PODNL1: variants seen among roughly 807,000 people sequenced by gnomAD.
PODNL1 encodes the protein podocan like 1.
A neutral mutation model predicts 45.1 loss-of-function variants in PODNL1; 50 were observed. That is an observed-to-expected ratio of 1.11 (90% CI 0.88 to 1.40). The LOEUF (loss-of-function observed/expected upper bound fraction) is 1.40, where lower values mean the gene tolerates loss of function less well. Among genes scored for constraint, PODNL1 ranks in the 40% most tolerant of loss-of-function variants. The pLI is 0.00. For synonymous variants in PODNL1, 406 were observed against 372.5 expected (o/e 1.09, Z -1.04); for missense variants, 788 against 793.3 (o/e 0.99, Z 0.08).
chr19:13,931,813 G>A lies in PODNL1; in HGVS notation c.1649C>T (p.Thr550Met), dbSNP rs979228022. ...LGLPNLRVVD[T>M]AGNPEQVLIR... ...CAGGACCTGCTCCGGATTCCCTGCC[G>A]TGTCCACCACACGCAGGTTTGGGAG... Residue 550 changes from threonine (T) to methionine (M), a missense_variant, in exon 10 of 10, where the codon ACG becomes ATG. Around this residue, in one of 3 missense-constraint regions of PODNL1, gnomAD observed 9 missense variants for 25.6 expected, o/e 0.35. Transcript: ENST00000588872. 58 of 1,231,740 alleles carry A rather than the reference G, an allele frequency of 4.7e-5. No homozygotes were observed. Among genetic ancestry groups the A allele is most frequent in the Middle Eastern group, 6.2e-4 (2 of 3,230 alleles). 76.3% of individuals were successfully genotyped at this position (1,231,740 alleles called of 1,614,324 possible).
At position 13,932,855 on chromosome 19, in the gene PODNL1, G is replaced by A; in HGVS notation, c.1368C>T (p.Asn456=). 1.9e-6 allele frequency: 3 copies of A among 1,611,728 alleles called. No homozygotes were observed. ...DQLRELSLAH[N]RLRVGDIGPG... is the part of the protein sequence containing the mutation. Reference sequence around the variant, plus strand: ...GCCCGATGTCGCCGACCCGGAGCCGGTTGTGCGCCAGGCTGAGCTCCCGCA... The same window carrying A: ...GCCCGATGTCGCCGACCCGGAGCCGATTGTGCGCCAGGCTGAGCTCCCGCA... The change falls in exon 8 of 10, where the codon AAC becomes AAT. Residue 456 remains asparagine, a synonymous_variant. Transcript: ENST00000588872.
At chr19:13,932,529 GT>G in intron 8 of PODNL1, 1 of 836,464 alleles carries the variant, frequency 1.2e-6, no homozygotes, top group Non-Finnish European at 1.8e-6. Context: ...GCTTGGCTAT[GT>G]TTTTTTGGTA....
At chr19:13,946,431 G>GA (rs57032297) in intron 1 of PODNL1, among the ~76,000 whole-genome samples, 34,648 of 144,456 alleles carry the variant, frequency 0.24, 4,439 homozygotes, top group East Asian at 0.33. Context: ...CTCTGTCTTG[G>GA]AAAAAAAAAA....
rs575072620 is a variant in PODNL1, at chr19:13,933,558, G to T, written c.768-103C>A. ...AGTGGTCCTGAGACAGATTTAAGCT[G>T]GAGATTTTGACTTGGGAGTGATGCG... is the stretch of plus-strand genomic sequence containing the variant. On this transcript the variant is annotated intron_variant, in intron 7 of 9. Coordinates refer to ENST00000588872, the MANE Select transcript of PODNL1 (RefSeq NM_001370095.3). This position sits in a 1 kb window ranked among gnomAD's most constrained non-coding sequence, Gnocchi z 5.2. The T allele has an allele frequency of 1.6e-6, 2 of 1,289,904 alleles. No homozygotes were observed. The highest frequency in any genetic ancestry group is 2.1e-6 in the Non-Finnish European group (2 of 956,158). The allele number at this position is 1,289,904 out of a possible 1,614,324, so 79.9% of individuals were successfully genotyped here. A position where few individuals can be genotyped will look rare whatever the true frequency, so the allele number is the denominator to read the frequency against.
At chr19:13,943,752 G>T (rs961686563) in intron 1 of PODNL1, among the ~76,000 whole-genome samples, 2 of 151,432 alleles carry the variant, frequency 1.3e-5, no homozygotes, top group African/African-American at 2.4e-5. Context: ...GTGAGCCACC[G>T]CGCCCAGCCT....
Position 13,937,970 on chromosome 19 carries a change from GC to G in PODNL1, c.39del (p.Pro15ArgfsTer136). The G allele has an allele frequency of 6.5e-7, 1 of 1,541,216 alleles. No homozygotes were observed. The highest frequency in any genetic ancestry group is 8.8e-7 in the Non-Finnish European group (1 of 1,140,138). ...PSLLLLLLLP[G>X]PPPVAGLEDA... ...TCTTCCAAGCCGGCGACGGGCGGGG[GC>G]CCCGGCAACAGCAGGAGCAGCAGCA... On this transcript the variant is annotated frameshift_variant, in exon 2 of 10. Transcript: ENST00000588872. LOFTEE classifies it high-confidence loss of function.
At chr19:13,942,595 C>T (rs766474103), upstream of PODNL1, among the ~76,000 whole-genome samples, 1 of 152,190 alleles carries the variant, frequency 6.6e-6, no homozygotes, top group Non-Finnish European at 1.5e-5. Context: ...GGGGCCTCTG[C>T]AGGGATAACA....
Position 13,932,845 on chromosome 19 carries a change from CCCGGAGCCGGT to C in PODNL1, c.1367_1377del (p.Asn456SerfsTer11). The C allele has an allele frequency of 6.2e-7, 1 of 1,612,356 alleles. No individual in the cohort carries two copies. The highest frequency in any genetic ancestry group is 8.5e-7 in the Non-Finnish European group (1 of 1,179,772). ...CAGGTGCCTGGCCCGATGTCGCCGACCCGGAGCCGGTTGTGCGCCAGGCTGAGCTCCCGCAG... is the reference window on the plus strand; with the variant it reads ...CAGGTGCCTGGCCCGATGTCGCCGACTGTGCGCCAGGCTGAGCTCCCGCAG... On this transcript the variant is annotated frameshift_variant, in exon 8 of 10. Transcript: ENST00000588872. LOFTEE classifies it high-confidence loss of function.
intron 1 of PODNL1, among the ~76,000 whole-genome samples, chr19:13,944,664 C>T (rs998404427): frequency 6.6e-6 from 1 of 151,944 alleles, no homozygotes. Flanking sequence ...GCCAAGTTGG[C>T]CAGGCTGGTT....
chr19:13,953,308 G>C, exon 1 of PODNL1: 1 of 603,992 alleles, frequency 1.7e-6, no homozygotes, highest in South Asian at 2.1e-5. Flanking sequence ...ATCTCTTGCA[G>C]GTGGGCAGTA....
At chr19:13,934,632 T>TGTGTGCATGTGTGAGCA (rs1217836250) in intron 5 of PODNL1, among the ~76,000 whole-genome samples, 2 of 149,548 alleles carry the variant, frequency 1.3e-5, no homozygotes, top group Non-Finnish European at 3.0e-5. Context: ...TGAATAGACG[T>TGTGTGCATGTGTGAGCA]GTGTGCATGT....
chr19:13,940,595 A>C (rs1488648902), upstream of PODNL1, among the ~76,000 whole-genome samples: 2 of 85,854 alleles, frequency 2.3e-5, no homozygotes, highest in Non-Finnish European at 2.4e-5. Context: ...AAAAAAACTT[A>C]GCGGGGGCCA....
chr19:13,935,807 C>T lies in PODNL1; in HGVS notation c.408G>A (p.Leu136=), dbSNP rs749184667. The change falls in exon 5 of 10, where the codon CTG becomes CTA. Residue 136 remains leucine (L), a synonymous_variant. Coordinates refer to ENST00000588872, the MANE Select transcript of PODNL1 (RefSeq NM_001370095.3). ...HNKLSVAPQF[L]PRSLRVADLA... ...GATCCGCGACACGGAGGGACCGGGG[C>T]AGAAACTGAGGGGCCACTGAGAGCT... is the stretch of plus-strand genomic sequence containing the variant. The T allele has an allele frequency of 2.4e-5, 39 of 1,604,118 alleles. No homozygotes were observed. The South Asian group carries it at 3.7e-4, about 15-fold the overall frequency.
At chr19:13,939,777 C>G (rs1015196022), upstream of PODNL1, 1 of 151,872 alleles carries the variant, frequency 6.6e-6, no homozygotes, top group East Asian at 1.9e-4. Flanking sequence ...CCCAGCTACT[C>G]CAGAGGCTGA....
At chr19:13,934,049 C>G in intron 6 of PODNL1, 56 bp from the exon 7 acceptor site, 1 of 1,492,572 alleles carries the variant, frequency 6.7e-7, no homozygotes, top group Non-Finnish European at 9.2e-7. Context: ...AGCGGGAAGC[C>G]ACAGACGGCT....
intron 1 of PODNL1, among the ~76,000 whole-genome samples, chr19:13,947,784 CT>C (rs375197393): frequency 7.2e-5 from 11 of 152,338 alleles, no homozygotes; most frequent in Admixed American, 1.3e-4. Flanking sequence ...CTCCTTGCCC[CT>C]ATCCCAATAT....
chr19:13,953,185 T>C, exon 1 of PODNL1: 1 of 1,495,174 alleles, frequency 6.7e-7, no homozygotes, highest in Non-Finnish European at 9.0e-7. Context: ...CCCCGCAGAG[T>C]GAGAGTTACC....
At chr19:13,944,748 C>A (rs1972762405) in intron 1 of PODNL1, among the ~76,000 whole-genome samples, 1 of 151,554 alleles carries the variant, frequency 6.6e-6, no homozygotes, top group Non-Finnish European at 1.5e-5. Flanking sequence ...AGCCACTACT[C>A]CTGGCCTGTT....
At chr19:13,953,333 G>C (rs1177313210) in exon 1 of PODNL1, 1 of 549,318 alleles carries the variant, frequency 1.8e-6, no homozygotes, top group Non-Finnish European at 3.2e-6. Flanking sequence ...GGGCAAGGCT[G>C]TGTCTCTGTG....
Sources: allele counts gnomAD v4.1 joint callset (sites outside exome capture counted in the v4.1 genomes callset), GRCh38; gene constraint gnomAD v4.1.1; regional missense constraint gnomAD v4.1.1; non-coding constraint Gnocchi (gnomAD v3.1); transcripts MANE v1.5; gene names NCBI Gene and HGNC (gene_info 2026-07-23, HGNC 2026-07-21).